Variants in CA5A observed in about 807,000 individuals in gnomAD.
CA5A encodes carbonic anhydrase 5A, mitochondrial.
In CA5A, 28 loss-of-function variants were observed where a neutral mutation model predicts 37.1. The observed-to-expected ratio is 0.75, with a 90% CI of 0.56 to 1.03. CA5A has a LOEUF of 1.03. CA5A is among the 50% of genes least tolerant of loss of function. The pLI, the probability that CA5A is intolerant of heterozygous loss-of-function variation, is 0.00. For synonymous variants in CA5A, 171 were observed against 158.4 expected, an observed-to-expected ratio of 1.08 and a Z score of -0.60; for missense variants, 444 against 399.9, an observed-to-expected ratio of 1.11 and a Z score of -0.94.
At chr16:87,916,092 C>T (rs1000043888) in intron 2 of CA5A, among the ~76,000 whole-genome samples, 5 of 147,322 alleles carry the variant, frequency 3.4e-5, no homozygotes, top group South Asian at 2.1e-4. Context: ...GGCGTGAACC[C>T]GGGAGGTGGA....
chr16:87,886,724 A>G (rs1041405708), downstream of CA5A: 1 of 152,198 alleles, frequency 6.6e-6, no homozygotes. Flanking sequence ...TAGATAGATC[A>G]ATCAATAGAT....
At chr16:87,930,749 T>A (rs1296188105) in intron 1 of CA5A, among the ~76,000 whole-genome samples, 1 of 148,678 alleles carries the variant, frequency 6.7e-6, no homozygotes. Context: ...TTTTTTTTTT[T>A]TTCTTTTTTG....
rs151220382 is a variant in CA5A at position 87,891,950 on chromosome 16, G to A, written c.623C>T (p.Ala208Val). 1.0e-4 allele frequency: 156 copies of A among 1,535,426 alleles called. No homozygotes were observed. Among genetic ancestry groups the A allele is most frequent in the Non-Finnish European group, 1.2e-4 (141 of 1,142,206 alleles). ...GTCGAAGGGGCGCATGGCCGCCCGC[G>A]CGTCCTGAGAGACCGAGAAGCACAG... ...DILPEIKHKD[A>V]RAAMRPFDPS... is the part of the protein sequence containing the mutation. Residue 208 changes from alanine (A) to valine (V), a missense_variant, in exon 6 of 7, where the codon GCG (alanine) becomes GTG (valine). Transcript: ENST00000649794.
intron 1 of CA5A, among the ~76,000 whole-genome samples, chr16:87,931,366 C>A (rs1012801929): frequency 6.6e-6 from 1 of 152,160 alleles, no homozygotes; most frequent in Non-Finnish European, 1.5e-5. Context: ...CCTGCCTCGG[C>A]CTCCCAAAGT....
At chr16:87,912,438 C>T (rs1258176197) in intron 2 of CA5A, among the ~76,000 whole-genome samples, 1 of 152,198 alleles carries the variant, frequency 6.6e-6, no homozygotes, top group Non-Finnish European at 1.5e-5. Flanking sequence ...GTAAAGACGT[C>T]GAAAGATAAA....
intron 5 of CA5A, among the ~76,000 whole-genome samples, chr16:87,901,118 C>G (rs1428811640): frequency 6.6e-6 from 1 of 152,058 alleles, no homozygotes; most frequent in East Asian, 1.9e-4. Context: ...TTGTCCCAGC[C>G]GCATGGGAGG....
chr16:87,889,529 T>G (rs2055684096), intron 6 of CA5A, among the ~76,000 whole-genome samples: 1 of 152,094 alleles, frequency 6.6e-6, no homozygotes, highest in Non-Finnish European at 1.5e-5. Flanking sequence ...ATCCCAGCAC[T>G]TTGGGAGGCC....
At chr16:87,894,296 C>T (rs1288453962) in intron 5 of CA5A, among the ~76,000 whole-genome samples, 1 of 152,000 alleles carries the variant, frequency 6.6e-6, no homozygotes, top group Non-Finnish European at 1.5e-5. Flanking sequence ...CACTGTGGGA[C>T]AAGAGTCCAG....
intron 1 of CA5A, among the ~76,000 whole-genome samples, chr16:87,927,691 T>A (rs1443585833): frequency 6.6e-6 from 1 of 151,838 alleles, no homozygotes; most frequent in African/African-American, 2.4e-5. Context: ...CAAAACCCCA[T>A]CATTATTGAA....
downstream of CA5A, chr16:87,887,943 C>T (rs555918031): frequency 1.9e-5 from 15 of 809,974 alleles, no homozygotes; most frequent in African/African-American, 6.9e-5. Context: ...TCCATCCCAG[C>T]GTTATGTTCC....
chr16:87,932,865 C>T (rs2056426232), intron 1 of CA5A, among the ~76,000 whole-genome samples: 1 of 152,210 alleles, frequency 6.6e-6, no homozygotes, highest in African/African-American at 2.4e-5. Context: ...TCCCCTCCCC[C>T]ATTGTCACTA....
At chr16:87,898,304 G>C (rs1275546341) in intron 5 of CA5A, among the ~76,000 whole-genome samples, 1 of 152,250 alleles carries the variant, frequency 6.6e-6, no homozygotes, top group Non-Finnish European at 1.5e-5. Context: ...GAGAACTGCT[G>C]AGTCCGCGGG....
intron 2 of CA5A, among the ~76,000 whole-genome samples, chr16:87,914,597 T>TG (rs1359539273): frequency 6.7e-6 from 1 of 149,826 alleles, no homozygotes; most frequent in African/African-American, 2.5e-5. Flanking sequence ...AGCAACGCAG[T>TG]GGGGAAGCCA....
intron 2 of CA5A, among the ~76,000 whole-genome samples, chr16:87,925,302 G>A (rs981190804): frequency 3.3e-5 from 5 of 152,194 alleles, no homozygotes; most frequent in Admixed American, 1.3e-4. Flanking sequence ...GATCAGCCAC[G>A]CGAAGAGGTG....
chr16:87,930,823 C>T lies in CA5A; in HGVS notation c.143-3878G>A, dbSNP rs571779072. 2.6e-5 allele frequency among the ~76,000 whole-genome samples: 4 copies of T among 151,674 alleles called. No homozygotes were observed. The East Asian group carries it at 7.8e-4, about 30-fold the overall frequency. Reference sequence around the variant, plus strand: ...TGACGCGATCTCAGCTCACTGCAAGCTCCAACTCCCTGGTTCAGGCGATTC... The same window carrying T: ...TGACGCGATCTCAGCTCACTGCAAGTTCCAACTCCCTGGTTCAGGCGATTC... On this transcript the variant is annotated intron_variant, in intron 1 of 6. Coordinates refer to ENST00000649794, the MANE Select transcript of CA5A (RefSeq NM_001739.2).
At chr16:87,915,866 C>G (rs1478691295) in intron 2 of CA5A, among the ~76,000 whole-genome samples, 2 of 151,746 alleles carry the variant, frequency 1.3e-5, no homozygotes, top group Admixed American at 6.6e-5. Flanking sequence ...TAAGAAACAA[C>G]AGTGTATTAG....
intron 5 of CA5A, among the ~76,000 whole-genome samples, chr16:87,901,475 G>A (rs545792294): frequency 1.8e-4 from 28 of 152,344 alleles, no homozygotes; most frequent in East Asian, 5.8e-4. Flanking sequence ...TCCAGAACTG[G>A]AACCACAGCC....
chr16:87,914,788 A>G (rs1315534146), intron 2 of CA5A, among the ~76,000 whole-genome samples: 3 of 152,292 alleles, frequency 2.0e-5, no homozygotes, highest in Non-Finnish European at 2.9e-5. Context: ...AGGGGCTGGC[A>G]TGGAGTCACG....
intron 2 of CA5A, among the ~76,000 whole-genome samples, chr16:87,923,145 C>G (rs1430228175): frequency 2.6e-5 from 4 of 152,210 alleles, no homozygotes; most frequent in African/African-American, 9.6e-5. Context: ...CCGCAATACT[C>G]TCTCTAGTGG....
Sources: allele counts gnomAD v4.1 joint callset (sites outside exome capture counted in the v4.1 genomes callset), GRCh38; gene constraint gnomAD v4.1.1; transcripts MANE v1.5; gene names NCBI Gene and HGNC (gene_info 2026-07-23, HGNC 2026-07-21).